The following LSAMP variants were observed in gnomAD, a reference collection of about 807,000 sequenced individuals.
LSAMP encodes limbic system associated membrane protein.
In LSAMP, 7 loss-of-function variants were observed where a neutral mutation model predicts 38.6. That is an observed-to-expected ratio of 0.18 (90% CI 0.10 to 0.34). The LOEUF is 0.34. LSAMP is among the 10% of genes least tolerant of loss of function. LSAMP has a pLI of 1.00. For missense variants in LSAMP, 313 were observed against 420.0 expected, an observed-to-expected ratio of 0.75 and a Z score of 2.23; for synonymous variants, 154 against 166.8, an observed-to-expected ratio of 0.92 and a Z score of 0.59.
At chr3:116,023,563 C>T (rs1014302597) in intron 2 of LSAMP, among the ~76,000 whole-genome samples, 1 of 147,310 alleles carries the variant, frequency 6.8e-6, no homozygotes, top group African/African-American at 2.5e-5. Context: ...CCAGATCACA[C>T]CAGTGCACTC....
intron 4 of LSAMP, among the ~76,000 whole-genome samples, chr3:115,847,143 G>C (rs1162044116): frequency 6.6e-6 from 1 of 152,138 alleles, no homozygotes; most frequent in Non-Finnish European, 1.5e-5. Context: ...AGTTAGACCT[G>C]GGTTTGAGTT....
intron 3 of LSAMP, among the ~76,000 whole-genome samples, chr3:115,983,637 T>C (rs1939427560): frequency 6.6e-6 from 1 of 152,192 alleles, no homozygotes. Flanking sequence ...CCAACAACTA[T>C]TTACAGAAAG....
intron 1 of LSAMP, among the ~76,000 whole-genome samples, chr3:116,190,088 G>GACACACCCACACACAC (rs1710717712): frequency 7.0e-6 from 1 of 142,710 alleles, no homozygotes; most frequent in South Asian, 2.2e-4. Context: ...TCCAGTAGTA[G>GACACACCCACACACAC]ACACACACAC....
intron 6 of LSAMP, among the ~76,000 whole-genome samples, chr3:115,840,254 C>T (rs976488214): frequency 6.6e-6 from 1 of 152,068 alleles, no homozygotes; most frequent in African/African-American, 2.4e-5. Context: ...TCTATACAAC[C>T]TTCTTTTTAA....
At chr3:116,041,195 A>AT (rs1417831453) in intron 2 of LSAMP, among the ~76,000 whole-genome samples, 2 of 152,190 alleles carry the variant, frequency 1.3e-5, no homozygotes, top group Non-Finnish European at 2.9e-5. Context: ...AAGTGCTGGG[A>AT]TTATAGGCAT....
At chr3:116,120,861 G>T (rs1056432030) in intron 1 of LSAMP, among the ~76,000 whole-genome samples, 8 of 152,254 alleles carry the variant, frequency 5.3e-5, no homozygotes, top group Non-Finnish European at 1.2e-4. Flanking sequence ...GGATGCATCA[G>T]GCTATCATCA....
chr3:115,909,386 C>A (rs1317777768), intron 3 of LSAMP, among the ~76,000 whole-genome samples: 2 of 152,168 alleles, frequency 1.3e-5, no homozygotes, highest in African/African-American at 2.4e-5. Flanking sequence ...GTATAAGAAC[C>A]AGTTGGAAGA....
intron 3 of LSAMP, among the ~76,000 whole-genome samples, chr3:115,981,474 T>C (rs1939358930): frequency 6.6e-6 from 1 of 152,172 alleles, no homozygotes; most frequent in Non-Finnish European, 1.5e-5. Flanking sequence ...TTTCCAATCC[T>C]CTTTAACCTT....
At chr3:115,971,374 A>G (rs2107611589) in intron 3 of LSAMP, among the ~76,000 whole-genome samples, 1 of 152,338 alleles carries the variant, frequency 6.6e-6, no homozygotes, top group African/African-American at 2.4e-5. Flanking sequence ...GAACTTCATG[A>G]TAAAGCTTTT....
chr3:115,984,783 A>G (rs1054027848), intron 3 of LSAMP, among the ~76,000 whole-genome samples: 5 of 152,218 alleles, frequency 3.3e-5, no homozygotes, highest in African/African-American at 4.8e-5. Context: ...AAAGTTATGC[A>G]TACATTGCAA....
intron 1 of LSAMP, among the ~76,000 whole-genome samples, chr3:116,288,766 A>G (rs2047224245): frequency 6.6e-6 from 1 of 152,188 alleles, no homozygotes; most frequent in Non-Finnish European, 1.5e-5. Flanking sequence ...TTTTGCTACC[A>G]AACCAGCTGG....
chr3:116,326,141 G>A (rs904305928), intron 1 of LSAMP, among the ~76,000 whole-genome samples: 1 of 151,628 alleles, frequency 6.6e-6, no homozygotes. Context: ...TATCTATATA[G>A]ACATTTTAAT....
chr3:115,957,448 T>C (rs991175212), intron 3 of LSAMP, among the ~76,000 whole-genome samples: 1 of 149,492 alleles, frequency 6.7e-6, no homozygotes, highest in Non-Finnish European at 1.5e-5. Flanking sequence ...CCATCACCTA[T>C]TTTTTTTTTA....
intron 3 of LSAMP, among the ~76,000 whole-genome samples, chr3:115,982,961 A>G (rs1302611918): frequency 2.8e-5 from 4 of 142,256 alleles, no homozygotes; most frequent in African/African-American, 1.0e-4. Context: ...AATCCAGTCT[A>G]AGGCAAAGTA....
intron 1 of LSAMP, among the ~76,000 whole-genome samples, chr3:116,270,614 C>A (rs141593897): frequency 6.6e-6 from 1 of 152,116 alleles, no homozygotes; most frequent in Non-Finnish European, 1.5e-5. Flanking sequence ...CTAGAAACAC[C>A]AGGGCACTAC....
chr3:116,288,990 T>A (rs977315875), intron 1 of LSAMP, among the ~76,000 whole-genome samples: 5 of 152,216 alleles, frequency 3.3e-5, no homozygotes, highest in African/African-American at 1.2e-4. Context: ...CATGAGTTTA[T>A]TAGATTGGCT....
intron 3 of LSAMP, among the ~76,000 whole-genome samples, chr3:115,997,930 A>T (rs1406161214): frequency 1.4e-5 from 2 of 147,026 alleles, no homozygotes; most frequent in African/African-American, 2.5e-5. Context: ...TAATAGCTAT[A>T]CATATAATAT....
intron 3 of LSAMP, among the ~76,000 whole-genome samples, chr3:115,982,960 T>C: frequency 6.8e-6 from 1 of 147,364 alleles, no homozygotes; most frequent in East Asian, 2.0e-4. Flanking sequence ...AAATCCAGTC[T>C]AAGGCAAAGT....
At chr3:116,101,120 C>T (rs561526459) in intron 1 of LSAMP, among the ~76,000 whole-genome samples, 1 of 152,170 alleles carries the variant, frequency 6.6e-6, no homozygotes, top group African/African-American at 2.4e-5. Context: ...TAGATAATTA[C>T]TCAATGGATG....
Sources: allele counts gnomAD v4.1 joint callset (sites outside exome capture counted in the v4.1 genomes callset), GRCh38; gene constraint gnomAD v4.1.1; transcripts MANE v1.5; gene names NCBI Gene and HGNC (gene_info 2026-07-23, HGNC 2026-07-21).